Variants in CFAP99 observed in about 807,000 individuals in gnomAD.
CFAP99 encodes cilia and flagella associated protein 99.
In CFAP99, 84 loss-of-function variants were observed where a neutral mutation model predicts 82.7. The ratio of observed to expected loss-of-function variants is 1.02; its 90% CI spans 0.85 to 1.22. The LOEUF is 1.22. Ranked by LOEUF, CFAP99 falls within the 50% of genes most tolerant of loss-of-function variation. CFAP99 has a pLI of 0.00. For synonymous variants in CFAP99, 456 were observed against 429.5 expected, an observed-to-expected ratio of 1.06 and a Z score of -0.76; for missense variants, 1,059 against 983.5, an observed-to-expected ratio of 1.08 and a Z score of -1.03.
rs1275004024 is a variant in CFAP99, at chr4:2,446,903, A to C, written c.642+1595A>C. On this transcript the variant is annotated intron_variant, in intron 6 of 14. Coordinates refer to ENST00000635017, the Ensembl canonical transcript of CFAP99. The surrounding 1 kb of genome is among the most constrained non-coding windows in gnomAD (Gnocchi z 5.0). Reference sequence around the variant, plus strand: ...GGAATGAATGGGTGGATGAATGATCAAATGAATGGATGGGTATGTGGGTAA... The same window carrying C: ...GGAATGAATGGGTGGATGAATGATCCAATGAATGGATGGGTATGTGGGTAA... 6.6e-6 allele frequency among the ~76,000 whole-genome samples: 1 copy of C among 151,490 alleles called. No homozygotes were observed. Among genetic ancestry groups the C allele is most frequent in the Non-Finnish European group, 1.5e-5 (1 of 67,936 alleles).
intron 4 of CFAP99, among the ~76,000 whole-genome samples, chr4:2,440,337 G>A (rs866744794): frequency 2.6e-4 from 38 of 146,214 alleles, no homozygotes; most frequent in Middle Eastern, 3.8e-3. Flanking sequence ...TAGTAGAGAC[G>A]GGGTTTCACC....
chr4:2,427,655 T>G (rs1733713787), intron 2 of CFAP99: 1 of 152,862 alleles, frequency 6.5e-6, no homozygotes, highest in Admixed American at 6.5e-5. Context: ...GGGGCTGCCC[T>G]GGCCATGCTC....
chr4:2,438,122 C>T, exon 4 of CFAP99: 1 of 1,535,632 alleles, frequency 6.5e-7, no homozygotes. Context: ...TCCAGCTATT[C>T]TGTAACATCA....
intron 1 of CFAP99, among the ~76,000 whole-genome samples, chr4:2,422,517 C>T (rs1733605228): frequency 6.6e-6 from 1 of 152,184 alleles, no homozygotes; most frequent in South Asian, 2.1e-4. Flanking sequence ...ATCATCCTTT[C>T]TCCAGAATGC....
exon 10 of CFAP99, chr4:2,451,281 C>G (rs2108730968): frequency 6.5e-7 from 1 of 1,536,012 alleles, no homozygotes; most frequent in East Asian, 2.4e-5. Flanking sequence ...ACATCCTGGT[C>G]AAGCTGAACA....
intron 2 of CFAP99, among the ~76,000 whole-genome samples, chr4:2,432,974 GC>G (rs1733828205): frequency 6.7e-6 from 1 of 149,302 alleles, no homozygotes; most frequent in African/African-American, 2.5e-5. Context: ...GTCACCCCTT[GC>G]CCCCACCCCC....
rs1425023691 is a variant in CFAP99, at chr4:2,418,985, G to A, written c.-126G>A. ...ACAGCCGCGGCGTCCTGCCTACCGG[G>A]AGCTGACGGACGACGACTGCCAACA... is the stretch of plus-strand genomic sequence containing the variant. On this transcript the variant is annotated 5_prime_UTR_variant, in exon 1 of 15. Transcript: ENST00000635017. The surrounding 1 kb of genome is among the most constrained non-coding windows in gnomAD (Gnocchi z 4.6). The A allele has an allele frequency of 6.6e-6, 1 of 152,154 alleles. No individual in the cohort carries two copies. Among genetic ancestry groups the A allele is most frequent in the East Asian group, 1.9e-4 (1 of 5,178 alleles). The allele number at this position is 152,154 out of a possible 1,614,324, so 9.4% of individuals were successfully genotyped here.
At position 2,448,236 on chromosome 4, in the gene CFAP99, G is replaced by A. The variant is rs371167208; in HGVS notation, c.643-1434G>A. On this transcript the variant is annotated intron_variant, in intron 6 of 14. Coordinates refer to ENST00000635017, the Ensembl canonical transcript of CFAP99. This position sits in a 1 kb window ranked among gnomAD's most constrained non-coding sequence, Gnocchi z 5.2. ...TGACCCCATCTCCTCAGGGCTCAGT[G>A]TGTTTGTCTCAGGTCATGCTGCCAA... Among the ~76,000 whole-genome samples, 2 of 152,186 alleles carry A rather than the reference G, an allele frequency of 1.3e-5. No homozygotes were observed. Among genetic ancestry groups the A allele is most frequent in the African/African-American group, 4.8e-5 (2 of 41,442 alleles).
At position 2,438,056 on chromosome 4, in the gene CFAP99, C is replaced by T. The variant is rs1733955477; in HGVS notation, c.257-14C>T. On this transcript the variant is annotated splice_polypyrimidine_tract_variant and intron_variant, in intron 3 of 14. Transcript: ENST00000635017. ...TGACGTCCCTTAGCCTCTGACAGAC[C>T]CCCTGTTTTCTAGTGATCTGCTACC... The T allele has an allele frequency of 2.0e-6, 3 of 1,498,522 alleles. No individual in the cohort carries two copies. Among genetic ancestry groups the T allele is most frequent in the African/African-American group, 1.4e-5 (1 of 72,202 alleles). 92.8% of individuals were successfully genotyped at this position (1,498,522 alleles called of 1,614,324 possible). A position where few individuals can be genotyped will look rare whatever the true frequency, so the allele number is the denominator to read the frequency against.
At chr4:2,452,081 C>T (rs1447335375) in intron 10 of CFAP99, 61 bp from the exon 11 acceptor site, 17 of 1,509,848 alleles carry the variant, frequency 1.1e-5, no homozygotes, top group Non-Finnish European at 1.4e-5. Context: ...AACCTGTGAC[C>T]ACCCAGCAGC....
chr4:2,462,222 G>T lies in CFAP99; in HGVS notation c.1662-221G>T. 2.4e-6 allele frequency: 1 copy of T among 419,950 alleles called. No homozygotes were observed. The allele number at this position is 419,950 out of a possible 1,614,324, so 26.0% of individuals were successfully genotyped here. On this transcript the variant is annotated intron_variant, in intron 14 of 14. Coordinates refer to ENST00000635017, the Ensembl canonical transcript of CFAP99. The surrounding 1 kb of genome is among the most constrained non-coding windows in gnomAD (Gnocchi z 4.1). ...GAAAAAAAGAGCAAAAGGGTAGATA[G>T]AAGTGCTGGAGACTCCCCCAACCCC...
At chr4:2,450,837 G>C in intron 8 of CFAP99, 110 bp from the exon 9 acceptor site, 1 of 836,746 alleles carries the variant, frequency 1.2e-6, no homozygotes, top group East Asian at 2.7e-5. Context: ...GGATGAAGAG[G>C]GGTGAGCCAG....
intron 8 of CFAP99, 164 bp downstream of exon 8, chr4:2,450,169 C>T (rs1382501927): frequency 4.2e-6 from 3 of 714,264 alleles, no homozygotes; most frequent in African/African-American, 3.5e-5. Context: ...GCCTTGAGCC[C>T]ACTGCGATGT....
intron 11 of CFAP99, among the ~76,000 whole-genome samples, chr4:2,453,456 G>C (rs371628346): frequency 2.0e-5 from 3 of 152,174 alleles, no homozygotes; most frequent in Non-Finnish European, 4.4e-5. Context: ...ATGGCCAATC[G>C]TCTCCCTGGT....
chr4:2,451,367 G>A lies in CFAP99; in HGVS notation c.956+15G>A, dbSNP rs901124322. The A allele has an allele frequency of 2.0e-6, 3 of 1,533,774 alleles. No individual in the cohort carries two copies. Among genetic ancestry groups the A allele is most frequent in the Non-Finnish European group, 2.6e-6 (3 of 1,145,856 alleles). On this transcript the variant is annotated intron_variant, in intron 10 of 14. Coordinates refer to ENST00000635017, the Ensembl canonical transcript of CFAP99. ...GAGCTGCAGAGGTGAAGGGCGGCAG[G>A]CCCCCCCACCTGCCTTCCACGGCAT...
Position 2,444,180 on chromosome 4 carries a change from C to A in CFAP99, c.464+938C>A, listed in dbSNP as rs56906100. ...CCTCCAAAGGAAGGAGTAGGAGTGGCCCTGCTGGTGCCCCTACCTTGTGCC... is the reference window on the plus strand; with the variant it reads ...CCTCCAAAGGAAGGAGTAGGAGTGGACCTGCTGGTGCCCCTACCTTGTGCC... On this transcript the variant is annotated intron_variant, in intron 5 of 14. Coordinates refer to ENST00000635017, the Ensembl canonical transcript of CFAP99. Among the ~76,000 whole-genome samples the A allele has an allele frequency of 5.2e-3, 795 of 152,252 alleles. 8 individuals are homozygous for A. Among genetic ancestry groups the A allele is most frequent in the African/African-American group, 0.019 (770 of 41,528 alleles).
At position 2,449,613 on chromosome 4, in the gene CFAP99, G is replaced by A. The variant is rs1185411096; in HGVS notation, c.643-57G>A. On this transcript the variant is annotated intron_variant, in intron 6 of 14. Coordinates refer to ENST00000635017, the Ensembl canonical transcript of CFAP99. ...CAAGCTGTCAGCCCTGGCATTTCTA[G>A]GCCCCCTCCCACTCGCAGCTGCTGA... 5 of 1,474,680 alleles carry A rather than the reference G, an allele frequency of 3.4e-6. No homozygotes were observed. In the African/African-American group the frequency reaches 5.6e-5, roughly 16 times the overall value. 91.3% of individuals were successfully genotyped at this position (1,474,680 alleles called of 1,614,324 possible). A position where few individuals can be genotyped will look rare whatever the true frequency, so the allele number is the denominator to read the frequency against.
chr4:2,460,052 C>T, exon 14 of CFAP99: 1 of 1,535,942 alleles, frequency 6.5e-7, no homozygotes, highest in Non-Finnish European at 8.7e-7. Context: ...CGGCTACGGC[C>T]TGGAAGGAGA....
chr4:2,455,011 T>G (rs1467918056), intron 11 of CFAP99, among the ~76,000 whole-genome samples: 1 of 152,134 alleles, frequency 6.6e-6, no homozygotes. Flanking sequence ...CCTCTGCCTC[T>G]CAGGCTCAAA....
Sources: gnomAD v4.1 joint callset for allele counts (sites outside exome capture counted in the v4.1 genomes callset) on GRCh38, gnomAD v4.1.1 for gene constraint, Gnocchi (gnomAD v3.1) non-coding constraint, MANE v1.5 for transcripts, NCBI Gene and HGNC (gene_info 2026-07-23, HGNC 2026-07-21) for gene names.